The following DPF3 variants were observed in gnomAD, a reference collection of about 807,000 sequenced individuals.
The protein encoded by DPF3 is zinc finger protein DPF3.
Under a neutral mutation model 56.8 loss-of-function variants are expected in DPF3, and 18 were observed. The ratio of observed to expected loss-of-function variants is 0.32; its 90% CI spans 0.22 to 0.47. DPF3 has a LOEUF of 0.47. Among genes scored for constraint, DPF3 ranks in the 20% least tolerant of loss-of-function variants. DPF3 has a pLI of 1.00. For missense variants in DPF3, 403 were observed against 488.8 expected, an observed-to-expected ratio of 0.82 and a Z score of 1.65; for synonymous variants, 188 against 180.2, an observed-to-expected ratio of 1.04 and a Z score of -0.35.
chr14:72,740,564 A>G (rs1053936202), intron 3 of DPF3, among the ~76,000 whole-genome samples: 1 of 152,184 alleles, frequency 6.6e-6, no homozygotes, highest in Non-Finnish European at 1.5e-5. Context: ...ACCAGGATGG[A>G]GGCCAAGTGG....
chr14:72,827,682 G>A (rs192715010), intron 1 of DPF3, among the ~76,000 whole-genome samples: 20 of 151,802 alleles, frequency 1.3e-4, no homozygotes, highest in African/African-American at 4.6e-4. Context: ...GCTTCTCCAT[G>A]TTGGCCAGGC....
At chr14:72,622,752 A>G (rs1167736440) in intron 9 of DPF3, among the ~76,000 whole-genome samples, 1 of 151,852 alleles carries the variant, frequency 6.6e-6, no homozygotes, top group Non-Finnish European at 1.5e-5. Context: ...ACCAGGAATC[A>G]CCTATTACTA....
At chr14:72,772,283 A>G (rs1210452064) in intron 1 of DPF3, among the ~76,000 whole-genome samples, 2 of 152,212 alleles carry the variant, frequency 1.3e-5, no homozygotes, top group Non-Finnish European at 1.5e-5. Context: ...CTCCTCACTC[A>G]TATTAGCTAC....
intron 8 of DPF3, among the ~76,000 whole-genome samples, chr14:72,643,553 G>A (rs918373613): frequency 1.4e-4 from 22 of 152,336 alleles, no homozygotes; most frequent in African/African-American, 4.8e-4. Flanking sequence ...CTGGGCTTCG[G>A]CTCCTGACAG....
At chr14:72,682,467 A>T (rs542568604) in intron 7 of DPF3, among the ~76,000 whole-genome samples, 5 of 152,290 alleles carry the variant, frequency 3.3e-5, no homozygotes, top group African/African-American at 1.2e-4. Flanking sequence ...AATGAATTCC[A>T]GACAGCTTGG....
chr14:72,755,226 G>A (rs368215961), intron 2 of DPF3, among the ~76,000 whole-genome samples: 4 of 152,188 alleles, frequency 2.6e-5, no homozygotes, highest in African/African-American at 4.8e-5. Context: ...AAAGGTCTAC[G>A]TGGCAAGAGT....
intron 3 of DPF3, among the ~76,000 whole-genome samples, chr14:72,741,173 C>A (rs1470848651): frequency 6.6e-6 from 1 of 152,152 alleles, no homozygotes; most frequent in Non-Finnish European, 1.5e-5. Flanking sequence ...GTGTTGGGGA[C>A]GGGAACTGTG....
chr14:72,800,664 G>A (rs1182840367), intron 1 of DPF3, among the ~76,000 whole-genome samples: 2 of 152,012 alleles, frequency 1.3e-5, no homozygotes, highest in Non-Finnish European at 2.9e-5. Flanking sequence ...ATGGATGCAT[G>A]GATGAACGGA....
At chr14:72,710,683 C>T (rs1275499632) in intron 6 of DPF3, among the ~76,000 whole-genome samples, 4 of 152,196 alleles carry the variant, frequency 2.6e-5, no homozygotes, top group African/African-American at 4.8e-5. Flanking sequence ...GCAGCTGGTC[C>T]GGGCCTACAC....
At chr14:72,819,693 T>C (rs1262030412) in intron 1 of DPF3, among the ~76,000 whole-genome samples, 2 of 152,172 alleles carry the variant, frequency 1.3e-5, no homozygotes, top group Non-Finnish European at 2.9e-5. Context: ...CCCAGCACTT[T>C]GGAAGGCCTG....
chr14:72,702,935 G>A (rs745791905), intron 6 of DPF3, among the ~76,000 whole-genome samples: 27 of 152,126 alleles, frequency 1.8e-4, no homozygotes, highest in Non-Finnish European at 2.9e-4. Context: ...TCTAGAGACC[G>A]GGGGTCTGGC....
At position 72,701,586 on chromosome 14, in the gene DPF3, C is replaced by T. The variant is rs976519277; in HGVS notation, c.605-8373G>A. ...AGGGAGGAGGAGGAATCAGGGGCAG[C>T]TTGTGTGAACAAAGCCGCTGCAGCA... On this transcript the variant is annotated intron_variant, in intron 6 of 10. Transcript: ENST00000556509. Among the ~76,000 whole-genome samples the T allele has an allele frequency of 1.2e-4, 18 of 152,314 alleles. 1 individual carries two copies. The highest frequency in any genetic ancestry group is 4.1e-4 in the African/African-American group (17 of 41,584).
chr14:72,676,081 G>A (rs1220557423), intron 7 of DPF3, among the ~76,000 whole-genome samples: 1 of 152,092 alleles, frequency 6.6e-6, no homozygotes, highest in Non-Finnish European at 1.5e-5. Context: ...TCTCTATGAA[G>A]CAAATAAACT....
intron 1 of DPF3, among the ~76,000 whole-genome samples, chr14:72,809,069 G>A (rs1309586796): frequency 6.6e-6 from 1 of 152,170 alleles, no homozygotes; most frequent in Non-Finnish European, 1.5e-5. Context: ...TGGAGAGTTG[G>A]TTGTTAAAAC....
intron 2 of DPF3, among the ~76,000 whole-genome samples, chr14:72,767,569 C>G (rs528146928): frequency 4.6e-5 from 7 of 152,024 alleles, no homozygotes; most frequent in Admixed American, 1.3e-4. Context: ...GAAGAGAGAA[C>G]TATAGAAATC....
At chr14:72,768,161 A>G (rs1891369349) in intron 2 of DPF3, among the ~76,000 whole-genome samples, 1 of 152,248 alleles carries the variant, frequency 6.6e-6, no homozygotes, top group South Asian at 2.1e-4. Context: ...AAAGTACTAC[A>G]TCAGAAAGTA....
chr14:72,690,510 T>A (rs960303780), intron 7 of DPF3, among the ~76,000 whole-genome samples: 6 of 144,972 alleles, frequency 4.1e-5, no homozygotes, highest in African/African-American at 1.2e-4. Flanking sequence ...ACAATACACA[T>A]GCACACAAAC....
chr14:72,885,010 T>C (rs1360417151), intron 1 of DPF3, among the ~76,000 whole-genome samples: 8 of 118,484 alleles, frequency 6.8e-5, no homozygotes, highest in African/African-American at 1.2e-4. Flanking sequence ...TCCCAGCTAC[T>C]CGGGAGGCTG....
chr14:72,844,107 T>G (rs1884656304), intron 1 of DPF3, among the ~76,000 whole-genome samples: 1 of 152,236 alleles, frequency 6.6e-6, no homozygotes, highest in Non-Finnish European at 1.5e-5. Flanking sequence ...CTGGGCACCA[T>G]GCTGGACAAA....
Sources: allele counts gnomAD v4.1 joint callset (sites outside exome capture counted in the v4.1 genomes callset), GRCh38; gene constraint gnomAD v4.1.1; transcripts MANE v1.5; gene names NCBI Gene and HGNC (gene_info 2026-07-23, HGNC 2026-07-21).